The following SEMA3D variants were observed in gnomAD, a reference collection of about 807,000 sequenced individuals.
SEMA3D encodes the protein semaphorin 3D.
Under a neutral mutation model 100.1 loss-of-function variants are expected in SEMA3D, and 84 were observed. The ratio of observed to expected loss-of-function variants is 0.84; its 90% CI spans 0.70 to 1.01. SEMA3D has a LOEUF of 1.01. Among genes scored for constraint, SEMA3D ranks in the 50% least tolerant of loss-of-function variants. The pLI, the probability that SEMA3D is intolerant of heterozygous loss-of-function variation, is 0.00. For missense variants in SEMA3D, 875 were observed against 934.1 expected, an observed-to-expected ratio of 0.94 and a Z score of 0.82; for synonymous variants, 312 against 320.7, an observed-to-expected ratio of 0.97 and a Z score of 0.29.
intron 3 of SEMA3D, among the ~76,000 whole-genome samples, chr7:85,116,808 A>C (rs1037151642): frequency 6.6e-6 from 1 of 151,980 alleles, no homozygotes; most frequent in Non-Finnish European, 1.5e-5. Flanking sequence ...GTGAAGATTG[A>C]GGTTCATTTT....
chr7:85,072,587 C>T (rs1054369709), intron 6 of SEMA3D, among the ~76,000 whole-genome samples: 10 of 152,062 alleles, frequency 6.6e-5, no homozygotes, highest in Admixed American at 5.9e-4. Flanking sequence ...TTTTGATCAT[C>T]CTGCTAAAAA....
intron 12 of SEMA3D, among the ~76,000 whole-genome samples, chr7:85,022,849 A>T (rs1207222838): frequency 1.3e-5 from 2 of 151,906 alleles, no homozygotes; most frequent in African/African-American, 4.8e-5. Flanking sequence ...ATGTTTCCAT[A>T]GTGAATTCTT....
chr7:85,233,309 A>C, the SEMA3D span, among the ~76,000 whole-genome samples: 1 of 152,224 alleles, frequency 6.6e-6, no homozygotes, highest in African/African-American at 2.4e-5. Flanking sequence ...TTGAAATGCT[A>C]GAATGGCTCA....
chr7:85,155,376 A>G (rs1337308428), intron 1 of SEMA3D, among the ~76,000 whole-genome samples: 1 of 152,152 alleles, frequency 6.6e-6, no homozygotes, highest in East Asian at 1.9e-4. Flanking sequence ...CTAGTTACTT[A>G]TCCATTAGAG....
Position 85,068,201 on chromosome 7 carries a change from T to C in SEMA3D, c.579A>G (p.Ser193=). Residue 193 remains serine (S), a synonymous_variant, in exon 7 of 19, where the codon TCA becomes TCG. Coordinates refer to ENST00000284136, the MANE Select transcript of SEMA3D (RefSeq NM_001384900.1). Reference sequence around the variant, plus strand: ...TGTCATTGATCTTACCTGTCATTACTGAAGCAAAAGGCTGCTGAGGATCGA... The same window carrying C: ...TGTCATTGATCTTACCTGTCATTACCGAAGCAAAAGGCTGCTGAGGATCGA... The part of the protein sequence containing the change: ...CPFDPQQPFA[S]VMTDEYLYSG... 1 of 1,593,978 alleles carries C rather than the reference T, an allele frequency of 6.3e-7. No homozygotes were observed. Among genetic ancestry groups the C allele is most frequent in the Non-Finnish European group, 8.6e-7 (1 of 1,161,746 alleles).
intron 18 of SEMA3D, among the ~76,000 whole-genome samples, chr7:85,000,747 T>A (rs966110640): frequency 6.6e-6 from 1 of 152,190 alleles, no homozygotes; most frequent in Non-Finnish European, 1.5e-5. Flanking sequence ...AAGACAATTC[T>A]AACATTAAGC....
At chr7:85,176,515 C>G (rs954611900) in intron 1 of SEMA3D, among the ~76,000 whole-genome samples, 1 of 151,976 alleles carries the variant, frequency 6.6e-6, no homozygotes, top group South Asian at 2.1e-4. Flanking sequence ...CAGTATAACA[C>G]AAATTCAGCA....
At chr7:85,212,520 T>C in the SEMA3D span, among the ~76,000 whole-genome samples, 1 of 150,962 alleles carries the variant, frequency 6.6e-6, no homozygotes, top group South Asian at 2.1e-4. Flanking sequence ...CTTCCACTTA[T>C]CAACTTTGAT....
chr7:85,026,069 C>A (rs536688339), intron 12 of SEMA3D, among the ~76,000 whole-genome samples: 7 of 151,950 alleles, frequency 4.6e-5, no homozygotes, highest in Admixed American at 2.0e-4. Flanking sequence ...CCTTGACTAT[C>A]TCCATTTTAG....
chr7:85,226,880 T>G, the SEMA3D span, among the ~76,000 whole-genome samples: 1 of 152,264 alleles, frequency 6.6e-6, no homozygotes, highest in African/African-American at 2.4e-5. Flanking sequence ...TTGTGGAAAT[T>G]TATGGTACTA....
the SEMA3D span, among the ~76,000 whole-genome samples, chr7:85,203,791 C>T: frequency 6.6e-6 from 1 of 151,648 alleles, no homozygotes; most frequent in African/African-American, 2.4e-5. Flanking sequence ...ACAGATTGAG[C>T]TAGAGAAATA....
chr7:85,085,947 T>C (rs1788200581), intron 4 of SEMA3D, among the ~76,000 whole-genome samples: 1 of 152,202 alleles, frequency 6.6e-6, no homozygotes, highest in Non-Finnish European at 1.5e-5. Flanking sequence ...ACCATCCTAG[T>C]TGATGAAGCC....
intron 7 of SEMA3D, among the ~76,000 whole-genome samples, chr7:85,066,611 C>A (rs1791628701): frequency 2.0e-5 from 3 of 151,958 alleles, no homozygotes; most frequent in African/African-American, 7.2e-5. Context: ...TCTTAGTCAA[C>A]CACTTTGCTT....
At chr7:85,200,933 T>A in the SEMA3D span, among the ~76,000 whole-genome samples, 2 of 152,176 alleles carry the variant, frequency 1.3e-5, no homozygotes, top group East Asian at 1.9e-4. Flanking sequence ...TAATACACAG[T>A]TGTATATGGA....
the SEMA3D span, among the ~76,000 whole-genome samples, chr7:85,199,053 G>A: frequency 6.6e-6 from 1 of 151,602 alleles, no homozygotes; most frequent in African/African-American, 2.4e-5. Context: ...TATATTAATA[G>A]AAGTTCTTTT....
intron 8 of SEMA3D, among the ~76,000 whole-genome samples, chr7:85,056,776 G>A (rs1430679146): frequency 2.7e-5 from 4 of 149,992 alleles, no homozygotes; most frequent in African/African-American, 9.7e-5. Flanking sequence ...AAGGCTATCC[G>A]TGGTATATAT....
At chr7:85,104,133 C>T (rs149758081) in intron 3 of SEMA3D, among the ~76,000 whole-genome samples, 137 of 152,104 alleles carry the variant, frequency 9.0e-4, no homozygotes, top group African/African-American at 3.0e-3. Context: ...ACTACCCTCC[C>T]AAAATGTGAC....
chr7:85,121,942 G>GT lies in SEMA3D; in HGVS notation c.-40-12dup, dbSNP rs1554345647. 5.0e-6 allele frequency: 6 copies of GT among 1,203,890 alleles called. No homozygotes were observed. The Admixed American group carries it at 1.1e-4, about 22-fold the overall frequency. 74.6% of individuals were successfully genotyped at this position (1,203,890 alleles called of 1,614,324 possible). A position where few individuals can be genotyped will look rare whatever the true frequency, so the allele number is the denominator to read the frequency against. On this transcript the variant is annotated splice_polypyrimidine_tract_variant and intron_variant, in intron 2 of 18. Transcript: ENST00000284136. Reference sequence around the variant, plus strand: ...TGGTGTTAATTTAATCTAAAAAAGAGTAAAAAAAAAAAAACTATTAAGGTA... The same window carrying GT: ...TGGTGTTAATTTAATCTAAAAAAGAGTTAAAAAAAAAAAAACTATTAAGGTA...
chr7:85,082,384 T>G (rs1037192588), intron 4 of SEMA3D, among the ~76,000 whole-genome samples: 1 of 152,184 alleles, frequency 6.6e-6, no homozygotes, highest in African/African-American at 2.4e-5. Context: ...TGTCAGGAAG[T>G]TTTTGTAGGA....
Sources: allele counts gnomAD v4.1 joint callset (sites outside exome capture counted in the v4.1 genomes callset), GRCh38; gene constraint gnomAD v4.1.1; transcripts MANE v1.5; gene names NCBI Gene and HGNC (gene_info 2026-07-23, HGNC 2026-07-21).